Variants in ABCB4 observed in about 807,000 individuals in gnomAD.
ABCB4 encodes the protein ATP binding cassette subfamily B member 4.
ABCB4 carries 76 observed loss-of-function variants against 145.7 expected under a neutral mutation model. That is an observed-to-expected ratio of 0.52 (90% CI 0.43 to 0.63). The LOEUF is 0.63. Ranked by LOEUF, ABCB4 falls within the 30% of genes least tolerant of loss-of-function variation. The pLI, the probability that ABCB4 is intolerant of heterozygous loss-of-function variation, is 0.00. For synonymous variants in ABCB4, 517 were observed against 566.8 expected, an observed-to-expected ratio of 0.91 and a Z score of 1.25; for missense variants, 1,234 against 1,553.1, an observed-to-expected ratio of 0.79 and a Z score of 3.45.
intron 25 of ABCB4, among the ~76,000 whole-genome samples, chr7:87,406,915 G>A (rs1316717759): frequency 1.3e-5 from 2 of 152,176 alleles, no homozygotes; most frequent in African/African-American, 4.8e-5. Context: ...CAGAAGCAGG[G>A]CCCCAAAAGC....
chr7:87,443,589 TAG>T (rs1426415306), intron 11 of ABCB4, 72 bp downstream of exon 11: 1 of 1,530,174 alleles, frequency 6.5e-7, no homozygotes, highest in African/African-American at 1.4e-5. Flanking sequence ...ATCAAAATAA[TAG>T]AGACTTTATT....
rs1377525380 is a variant in ABCB4 at position 87,469,751 on chromosome 7, C to T, written c.135+2870G>A. On this transcript the variant is annotated intron_variant, in intron 3 of 27. Coordinates refer to ENST00000649586, the MANE Select transcript of ABCB4 (RefSeq NM_000443.4). ...AACAAATGGAAGAACATTCCATGCT[C>T]ATGGATAGGAAGAATCAATATCGTG... 2.0e-5 allele frequency among the ~76,000 whole-genome samples: 3 copies of T among 152,178 alleles called. No individual in the cohort carries two copies. In the East Asian group the frequency reaches 5.8e-4, roughly 29 times the overall value.
intron 18 of ABCB4, among the ~76,000 whole-genome samples, chr7:87,421,340 C>T (rs39909): frequency 1.1e-3 from 170 of 152,130 alleles, no homozygotes; most frequent in Non-Finnish European, 1.5e-3. Context: ...CATTTGCTGG[C>T]GGATTGCTAC....
At chr7:87,429,805 A>C (rs1562967311) in intron 15 of ABCB4, among the ~76,000 whole-genome samples, 1 of 151,954 alleles carries the variant, frequency 6.6e-6, no homozygotes, top group African/African-American at 2.4e-5. Context: ...TGCAAGCCTG[A>C]GTTATAAAAC....
chr7:87,473,900 A>T lies in ABCB4; in HGVS notation c.81-1225T>A, dbSNP rs1435287022. 2.0e-5 allele frequency among the ~76,000 whole-genome samples: 3 copies of T among 152,260 alleles called. No individual in the cohort carries two copies. The East Asian group carries it at 5.8e-4, about 29-fold the overall frequency. The stretch of plus-strand genomic sequence containing the variant: ...TCTGCCACTAAATATGTTCAAAAGA[A>T]TGTGCCATGGGCAATAGCAACATAA... On this transcript the variant is annotated intron_variant, in intron 2 of 27. Transcript: ENST00000649586.
At chr7:87,372,810 C>T in the ABCB4 span, among the ~76,000 whole-genome samples, 2 of 152,064 alleles carry the variant, frequency 1.3e-5, no homozygotes, top group Non-Finnish European at 2.9e-5. Flanking sequence ...TGCTGAATAA[C>T]ATTCTATTTT....
At chr7:87,398,601 C>A (rs757765024), downstream of ABCB4, 3 of 1,613,570 alleles carry the variant, frequency 1.9e-6, no homozygotes, top group South Asian at 1.1e-5. Flanking sequence ...ACTTTTTGTG[C>A]TTTTCATGAT....
the ABCB4 span, among the ~76,000 whole-genome samples, chr7:87,368,483 C>A: frequency 3.3e-5 from 5 of 152,082 alleles, no homozygotes; most frequent in African/African-American, 1.2e-4. Context: ...AAGGAAAACA[C>A]ATATCTCATC....
the ABCB4 span, chr7:87,382,545 T>TAA: frequency 2.5e-6 from 4 of 1,608,942 alleles, no homozygotes; most frequent in Non-Finnish European, 3.4e-6. Context: ...TCATGGACAG[T>TAA]AAGGACCATT....
At position 87,403,232 on chromosome 7, in the gene ABCB4, T is replaced by C. The variant is rs757445019; in HGVS notation, c.3536A>G (p.Gln1179Arg). The change falls in exon 27 of 28, where the codon CAA (glutamine) becomes CGA (arginine). Residue 1179 changes from glutamine to arginine, a missense_variant. Physicochemically the swap from Gln to Arg is conservative, Grantham distance 43. Around this residue, in one of 7 missense-constraint regions of ABCB4, gnomAD observed 301 missense variants for 389.0 expected, o/e 0.77. Coordinates refer to ENST00000649586, the MANE Select transcript of ABCB4 (RefSeq NM_000443.4). ...GDKGTQLSGG[Q>R]KQRIAIARAL... is the part of the protein sequence containing the mutation. ...TCGGGCAATAGCAATCCTCTGTTTTTGACCTCCTGAGAGCTGAGTCCCCTT... is the reference window on the plus strand; with the variant it reads ...TCGGGCAATAGCAATCCTCTGTTTTCGACCTCCTGAGAGCTGAGTCCCCTT... 1.9e-6 allele frequency: 3 copies of C among 1,614,162 alleles called. No homozygotes were observed. Among genetic ancestry groups the C allele is most frequent in the Non-Finnish European group, 2.5e-6 (3 of 1,179,988 alleles).
At position 87,451,531 on chromosome 7, in the gene ABCB4, G is replaced by C. The variant is rs1811730111; in HGVS notation, c.708+92C>G. 2.9e-6 allele frequency: 4 copies of C among 1,374,760 alleles called. No individual in the cohort carries two copies. In the Admixed American group the frequency reaches 6.9e-5, roughly 24 times the overall value. The allele number at this position is 1,374,760 out of a possible 1,614,324, so 85.2% of individuals were successfully genotyped here. A position where few individuals can be genotyped will look rare whatever the true frequency, so the allele number is the denominator to read the frequency against. The stretch of plus-strand genomic sequence containing the variant: ...GTAGTTTCAACTGACATTTAATGTA[G>C]ACCTGAACAGGTACAAGTACGAGAC... On this transcript the variant is annotated intron_variant, in intron 7 of 27. Transcript: ENST00000649586.
At chr7:87,453,474 C>A (rs942428841) in intron 5 of ABCB4, among the ~76,000 whole-genome samples, 2 of 151,750 alleles carry the variant, frequency 1.3e-5, no homozygotes, top group African/African-American at 2.4e-5. Flanking sequence ...TGAGCCACCA[C>A]CCCCACCCTA....
intron 3 of ABCB4, among the ~76,000 whole-genome samples, chr7:87,472,375 A>AT (rs1813486727): frequency 6.6e-6 from 1 of 151,898 alleles, no homozygotes; most frequent in South Asian, 2.1e-4. Flanking sequence ...GACATATGCT[A>AT]TTTTTTAAGA....
chr7:87,443,579 A>G lies in ABCB4; in HGVS notation c.1230+84T>C. 3.3e-6 allele frequency: 5 copies of G among 1,522,056 alleles called. No individual in the cohort carries two copies. The South Asian group carries it at 4.6e-5, about 14-fold the overall frequency. 94.3% of individuals were successfully genotyped at this position (1,522,056 alleles called of 1,614,324 possible). ...CCCCCAAAGGAAAAGGCACATAAGTATCAAAATAATAGAGACTTTATTCTT... is the reference window on the plus strand; with the variant it reads ...CCCCCAAAGGAAAAGGCACATAAGTGTCAAAATAATAGAGACTTTATTCTT... On this transcript the variant is annotated intron_variant, in intron 11 of 27. Coordinates refer to ENST00000649586, the MANE Select transcript of ABCB4 (RefSeq NM_000443.4).
In ABCB4 at chr7:87,405,643, T is replaced by C. The variant is rs900133867; in HGVS notation, c.3486+645A>G. On this transcript the variant is annotated intron_variant, in intron 26 of 27. Transcript: ENST00000649586. ...GGTTTCACCATGTTGGCCAGGATGG[T>C]CTCAATCTCCTGACCTCGTAATCCA... 2.6e-5 allele frequency among the ~76,000 whole-genome samples: 4 copies of C among 152,100 alleles called. No homozygotes were observed. In the South Asian group the frequency reaches 8.3e-4, roughly 32 times the overall value.
At chr7:87,429,783 C>T (rs772113742) in intron 15 of ABCB4, among the ~76,000 whole-genome samples, 2 of 152,124 alleles carry the variant, frequency 1.3e-5, no homozygotes, top group Non-Finnish European at 1.5e-5. Context: ...CTGTAGAACA[C>T]CCTCTGGCAC....
the ABCB4 span, chr7:87,391,560 T>C: frequency 6.1e-5 from 96 of 1,577,988 alleles, 1 homozygote; most frequent in East Asian, 2.1e-3. Context: ...TTCTTTCTTA[T>C]GATACACTCT....
chr7:87,425,960 C>T (rs1210593342), intron 16 of ABCB4, among the ~76,000 whole-genome samples: 2 of 152,080 alleles, frequency 1.3e-5, no homozygotes, highest in Non-Finnish European at 1.5e-5. Flanking sequence ...GTTGCTATTT[C>T]TCACCATTCT....
rs1475886201 is a variant in ABCB4, at chr7:87,413,688, C to T, written c.2712G>A (p.Arg904=). 2.5e-6 allele frequency: 4 copies of T among 1,612,522 alleles called. No individual in the cohort carries two copies. In the South Asian group the frequency reaches 4.4e-5, roughly 18 times the overall value. The change falls in exon 22 of 28, where the codon AGG becomes AGA. Residue 904 remains arginine, a synonymous_variant. Transcript: ENST00000649586. ...TTTCCTGGGTCAAAGACACAACTGT[C>T]CTAATATTTTCTATTGCCTCTGTTG... ...KIATEAIENI[R]TVVSLTQERK... is the part of the protein sequence containing the mutation.
Sources: gnomAD v4.1 joint callset for allele counts (sites outside exome capture counted in the v4.1 genomes callset) on GRCh38, gnomAD v4.1.1 for gene constraint, gnomAD v4.1.1 regional missense constraint, MANE v1.5 for transcripts, NCBI Gene and HGNC (gene_info 2026-07-23, HGNC 2026-07-21) for gene names.